The following RALB variants were observed in gnomAD, a reference collection of about 807,000 sequenced individuals.
RALB encodes RAS like proto-oncogene B.
A neutral mutation model predicts 21.3 loss-of-function variants in RALB; 16 were observed. That is an observed-to-expected ratio of 0.75 (90% CI 0.51 to 1.14). RALB has a LOEUF of 1.14. RALB is among the 50% of genes most tolerant of loss of function. The pLI is 0.00. For synonymous variants in RALB, 93 were observed against 96.1 expected, an observed-to-expected ratio of 0.97 and a Z score of 0.19; for missense variants, 161 against 256.2, an observed-to-expected ratio of 0.63 and a Z score of 2.54.
intron 4 of RALB, among the ~76,000 whole-genome samples, chr2:120,290,666 T>TA (rs1332970151): frequency 6.6e-6 from 1 of 151,408 alleles, no homozygotes; most frequent in Non-Finnish European, 1.5e-5. Flanking sequence ...CATCCCAGCA[T>TA]ACTTTCTCAT....
chr2:120,243,643 G>T (rs537761376), intron 1 of RALB, among the ~76,000 whole-genome samples: 2 of 152,290 alleles, frequency 1.3e-5, no homozygotes, highest in East Asian at 3.9e-4. Context: ...TGCTGTTGGT[G>T]GGTGTGGGCC....
At chr2:120,285,439 G>A (rs1438618867) in intron 2 of RALB, among the ~76,000 whole-genome samples, 2 of 152,096 alleles carry the variant, frequency 1.3e-5, no homozygotes, top group East Asian at 3.8e-4. Context: ...TTATGAATAA[G>A]AACTCCAGTT....
chr2:120,277,489 A>G (rs753020916), intron 1 of RALB, among the ~76,000 whole-genome samples: 9 of 140,722 alleles, frequency 6.4e-5, no homozygotes, highest in African/African-American at 1.1e-4. Context: ...ATGAACATGT[A>G]TGTGTGGTAT....
At chr2:120,277,354 TGTGTGAGAGC>T (rs1416419216) in intron 1 of RALB, among the ~76,000 whole-genome samples, 11 of 31,912 alleles carry the variant, frequency 3.4e-4, no homozygotes, top group African/African-American at 1.1e-3. Context: ...TGTGAACATG[TGTGTGAGAGC>T]ATGTGTGTGG....
intron 1 of RALB, among the ~76,000 whole-genome samples, chr2:120,271,049 C>T (rs1432138523): frequency 1.3e-5 from 2 of 152,178 alleles, no homozygotes; most frequent in Admixed American, 6.5e-5. Context: ...GATTAGGTTT[C>T]CCCTAGGTTT....
At chr2:120,274,285 T>C (rs1689736510) in intron 1 of RALB, among the ~76,000 whole-genome samples, 1 of 152,112 alleles carries the variant, frequency 6.6e-6, no homozygotes, top group Non-Finnish European at 1.5e-5. Flanking sequence ...ATTTATTCTA[T>C]TTTAGCCACA....
chr2:120,271,493 G>A (rs763942877), intron 1 of RALB, among the ~76,000 whole-genome samples: 4 of 152,122 alleles, frequency 2.6e-5, no homozygotes, highest in Non-Finnish European at 5.9e-5. Context: ...TGGAGGACCC[G>A]CCTAGCAATG....
rs1690373613 is a variant in RALB at position 120,294,367 on chromosome 2, A to G, written c.*1107A>G. ...CTGAGAATTGGCTGCTGTTTCTAAT[A>G]TAATTATTTTCTAAGATAGCCAGAT... On this transcript the variant is annotated 3_prime_UTR_variant, in exon 5 of 5. Transcript: ENST00000272519. The G allele has an allele frequency of 5.0e-6, 2 of 398,562 alleles. No individual in the cohort carries two copies. Among genetic ancestry groups the G allele is most frequent in the Non-Finnish European group, 8.8e-6 (2 of 226,044 alleles). The allele number at this position is 398,562 out of a possible 1,614,324, so 24.7% of individuals were successfully genotyped here.
intron 1 of RALB, among the ~76,000 whole-genome samples, chr2:120,243,353 C>T (rs918090517): frequency 1.3e-5 from 2 of 152,230 alleles, no homozygotes; most frequent in Non-Finnish European, 2.9e-5. Context: ...CCACCACTCT[C>T]GCCCCAGCCC....
intron 3 of RALB, 150 bp from the exon 4 acceptor site, chr2:120,289,430 T>C (rs1690253184): frequency 1.3e-6 from 1 of 772,722 alleles, no homozygotes; most frequent in Non-Finnish European, 2.2e-6. Flanking sequence ...TGACTGCCTC[T>C]AGGGAGTGCT....
intron 3 of RALB, among the ~76,000 whole-genome samples, chr2:120,286,959 C>T (rs948661547): frequency 8.6e-6 from 1 of 116,118 alleles, no homozygotes; most frequent in African/African-American, 3.6e-5. Flanking sequence ...CTATAAATGT[C>T]TCTTTACCCC....
chr2:120,277,765 C>T (rs776208141), intron 1 of RALB, among the ~76,000 whole-genome samples: 8 of 144,996 alleles, frequency 5.5e-5, no homozygotes, highest in Admixed American at 3.4e-4. Flanking sequence ...GCATGTATGA[C>T]AGCGTGTGCT....
At chr2:120,276,805 G>T (rs1358999362) in intron 1 of RALB, among the ~76,000 whole-genome samples, 1 of 152,148 alleles carries the variant, frequency 6.6e-6, no homozygotes, top group Non-Finnish European at 1.5e-5. Flanking sequence ...GAACATTCCT[G>T]CAAGGTAGGT....
intron 1 of RALB, among the ~76,000 whole-genome samples, chr2:120,243,262 G>A (rs1230176771): frequency 2.0e-5 from 3 of 152,246 alleles, no homozygotes; most frequent in Admixed American, 6.5e-5. Context: ...GTGAAAATGC[G>A]TGGACAGATC....
At chr2:120,280,398 T>G (rs2104641567) in intron 2 of RALB, among the ~76,000 whole-genome samples, 1 of 152,236 alleles carries the variant, frequency 6.6e-6, no homozygotes, top group Admixed American at 6.5e-5. Context: ...GTTCATGTCC[T>G]TTGCAGGGAC....
intron 1 of RALB, among the ~76,000 whole-genome samples, chr2:120,261,259 G>A (rs1689358939): frequency 1.3e-5 from 2 of 152,162 alleles, no homozygotes; most frequent in Non-Finnish European, 2.9e-5. Context: ...AGTAAAGACT[G>A]ATTGATGCTG....
At chr2:120,274,942 T>G (rs899527678) in intron 1 of RALB, among the ~76,000 whole-genome samples, 1 of 152,218 alleles carries the variant, frequency 6.6e-6, no homozygotes, top group African/African-American at 2.4e-5. Context: ...AATTTTAGGC[T>G]TTAGCTGTGA....
chr2:120,269,006 A>G (rs11688038), intron 1 of RALB, among the ~76,000 whole-genome samples: 78,462 of 151,996 alleles, frequency 0.52, 20,859 homozygotes, highest in Middle Eastern at 0.71. Context: ...GATCATTGCC[A>G]TTTTGTACCT....
At chr2:120,243,604 C>T (rs1400569534) in intron 1 of RALB, among the ~76,000 whole-genome samples, 1 of 152,074 alleles carries the variant, frequency 6.6e-6, no homozygotes, top group Admixed American at 6.5e-5. Flanking sequence ...GCCACTCTGG[C>T]CTCCTCTCTC....
Sources: allele counts gnomAD v4.1 joint callset (sites outside exome capture counted in the v4.1 genomes callset), GRCh38; gene constraint gnomAD v4.1.1; transcripts MANE v1.5; gene names NCBI Gene and HGNC (gene_info 2026-07-23, HGNC 2026-07-21).